The following CTNNA3 variants were observed in gnomAD, a reference collection of about 807,000 sequenced individuals.
CTNNA3 encodes the protein catenin alpha-3.
CTNNA3 carries 76 observed loss-of-function variants against 95.7 expected under a neutral mutation model. That is an observed-to-expected ratio of 0.79 (90% CI 0.66 to 0.96). The LOEUF is 0.96. Among genes scored for constraint, CTNNA3 ranks in the 40% least tolerant of loss-of-function variants. The pLI, the probability that CTNNA3 is intolerant of heterozygous loss-of-function variation, is 0.00. For missense variants in CTNNA3, 1,191 were observed against 1,089.8 expected (o/e 1.09, Z -1.31); for synonymous variants, 431 against 374.4 (o/e 1.15, Z -1.74).
chr10:67,601,509 A>G (rs767868808), intron 3 of CTNNA3, among the ~76,000 whole-genome samples: 25 of 152,166 alleles, frequency 1.6e-4, no homozygotes, highest in Non-Finnish European at 3.4e-4. Flanking sequence ...CTGGTTCCCA[A>G]TAGGCCATGG....
chr10:67,374,329 G>T (rs568235035), intron 5 of CTNNA3, among the ~76,000 whole-genome samples: 1 of 152,196 alleles, frequency 6.6e-6, no homozygotes, highest in African/African-American at 2.4e-5. Context: ...GCTGTAGTTT[G>T]CCCAACTCTG....
chr10:66,574,961 A>G (rs1379293384), intron 10 of CTNNA3, among the ~76,000 whole-genome samples: 2 of 152,202 alleles, frequency 1.3e-5, no homozygotes, highest in African/African-American at 4.8e-5. Context: ...TGTCTATTCA[A>G]GAACCTAGAA....
chr10:66,224,865 TTTTC>T (rs1454637274), intron 13 of CTNNA3, among the ~76,000 whole-genome samples: 4 of 152,146 alleles, frequency 2.6e-5, no homozygotes, highest in Admixed American at 6.6e-5. Context: ...ATTTTCTTTA[TTTTC>T]TAAGTCCAAT....
At chr10:67,222,048 T>C (rs1323569138) in intron 5 of CTNNA3, among the ~76,000 whole-genome samples, 4 of 152,186 alleles carry the variant, frequency 2.6e-5, no homozygotes, top group Non-Finnish European at 5.9e-5. Context: ...AACCTAAGTC[T>C]ACTGATTGCT....
intron 1 of CTNNA3, among the ~76,000 whole-genome samples, chr10:67,728,031 G>T (rs1441485240): frequency 3.0e-5 from 4 of 135,354 alleles, no homozygotes; most frequent in African/African-American, 8.3e-5. Context: ...TATTATATAT[G>T]ATATATAATT....
intron 11 of CTNNA3, among the ~76,000 whole-genome samples, chr10:66,458,002 G>T (rs1911323): frequency 0.081 from 12,322 of 152,180 alleles, 865 homozygotes; most frequent in African/African-American, 0.19. Flanking sequence ...GAATATCTCA[G>T]AGCATTTTAC....
chr10:67,246,983 TAC>T (rs1865931750), intron 5 of CTNNA3, among the ~76,000 whole-genome samples: 1 of 152,204 alleles, frequency 6.6e-6, no homozygotes, highest in Non-Finnish European at 1.5e-5. Flanking sequence ...AAGGAATGCA[TAC>T]TCAGAGACAG....
At chr10:67,513,515 T>C (rs114012058) in intron 5 of CTNNA3, among the ~76,000 whole-genome samples, 2,515 of 152,264 alleles carry the variant, frequency 0.017, 76 homozygotes, top group African/African-American at 0.055. Context: ...GCTCCTCTAT[T>C]CCACATGTCC....
intron 13 of CTNNA3, among the ~76,000 whole-genome samples, chr10:66,201,783 C>CTTTTTTTTTTTTTTTTTT (rs1236010501): frequency 5.0e-5 from 4 of 79,366 alleles, no homozygotes; most frequent in East Asian, 7.8e-4. Flanking sequence ...TTTACTTTTT[C>CTTTTTTTTTTTTTTTTTT]TTTTTTTTTT....
At chr10:67,560,005 G>A (rs564340594) in intron 3 of CTNNA3, among the ~76,000 whole-genome samples, 15 of 152,282 alleles carry the variant, frequency 9.9e-5, no homozygotes, top group Non-Finnish European at 1.9e-4. Flanking sequence ...CCAAATCTAC[G>A]TCTGATTGGT....
rs559320940 is a variant in CTNNA3 at position 66,306,728 on chromosome 10, C to A, written c.1733-26107G>T. Among the ~76,000 whole-genome samples the A allele has an allele frequency of 4.6e-5, 7 of 152,102 alleles. 1 individual carries two copies. The South Asian group carries it at 1.0e-3, about 23-fold the overall frequency. ...TGTGTACTTGTCTGCCCTTGCCAGA[C>A]AGATAGCAATATTTGGTTCAAAGGA... is the stretch of plus-strand genomic sequence containing the variant. On this transcript the variant is annotated intron_variant, in intron 12 of 17. Coordinates refer to ENST00000433211, the MANE Select transcript of CTNNA3 (RefSeq NM_013266.4).
chr10:66,397,129 T>C (rs2092984430), intron 11 of CTNNA3, among the ~76,000 whole-genome samples: 1 of 151,684 alleles, frequency 6.6e-6, no homozygotes, highest in African/African-American at 2.4e-5. Flanking sequence ...AACTCCTAAT[T>C]GTAGTTTTCA....
chr10:65,979,505 G>A (rs1017746486), intron 16 of CTNNA3, among the ~76,000 whole-genome samples: 5 of 152,014 alleles, frequency 3.3e-5, no homozygotes, highest in African/African-American at 1.2e-4. Flanking sequence ...AAAAGATGGT[G>A]GAAAGGTAAC....
At chr10:66,980,494 A>G (rs1440718459) in intron 7 of CTNNA3, among the ~76,000 whole-genome samples, 1 of 127,796 alleles carries the variant, frequency 7.8e-6, no homozygotes, top group Non-Finnish European at 1.7e-5. Flanking sequence ...AACCAAAACT[A>G]TTGAGACCTT....
intron 12 of CTNNA3, among the ~76,000 whole-genome samples, chr10:66,344,871 C>T (rs2092491305): frequency 6.6e-6 from 1 of 151,998 alleles, no homozygotes; most frequent in South Asian, 2.1e-4. Context: ...CAAATCTAAA[C>T]ATGAATGCTT....
chr10:67,390,095 C>T (rs946105362), intron 5 of CTNNA3, among the ~76,000 whole-genome samples: 6 of 152,108 alleles, frequency 3.9e-5, no homozygotes, highest in Non-Finnish European at 8.8e-5. Flanking sequence ...ATAAAAAACC[C>T]TTCAAAAAAT....
chr10:66,712,168 G>A (rs1359237499), intron 9 of CTNNA3, among the ~76,000 whole-genome samples: 1 of 152,150 alleles, frequency 6.6e-6, no homozygotes, highest in Admixed American at 6.6e-5. Context: ...AGAAAGGGAA[G>A]GATGGTGCTA....
intron 5 of CTNNA3, among the ~76,000 whole-genome samples, chr10:67,314,346 G>C (rs984410629): frequency 3.3e-5 from 5 of 152,138 alleles, no homozygotes; most frequent in African/African-American, 1.2e-4. Context: ...GGAATTCAAA[G>C]GAAAGACTCC....
intron 3 of CTNNA3, among the ~76,000 whole-genome samples, chr10:67,566,043 G>GTGTATATATATA (rs1274109672): frequency 4.8e-4 from 13 of 26,960 alleles, no homozygotes; most frequent in Admixed American, 1.0e-3. Flanking sequence ...ATGTGTGTGT[G>GTGTATATATATA]TATATATATA....
Sources: allele counts gnomAD v4.1 joint callset (sites outside exome capture counted in the v4.1 genomes callset), GRCh38; gene constraint gnomAD v4.1.1; transcripts MANE v1.5; gene names NCBI Gene and HGNC (gene_info 2026-07-23, HGNC 2026-07-21).